The following MPPED2 variants were observed in gnomAD, a reference collection of about 807,000 sequenced individuals.
MPPED2 encodes metallophosphoesterase MPPED2.
In MPPED2, 5 loss-of-function variants were observed where a neutral mutation model predicts 33.0. That is an observed-to-expected ratio of 0.15 (90% CI 0.08 to 0.32). The LOEUF is 0.32. MPPED2 is among the 10% of genes least tolerant of loss of function. The pLI, the probability that MPPED2 is intolerant of heterozygous loss-of-function variation, is 1.00. For missense variants in MPPED2, 275 were observed against 372.1 expected (o/e 0.74, Z 2.15); for synonymous variants, 136 against 141.9 (o/e 0.96, Z 0.29).
intron 4 of MPPED2, chr11:30,429,199 C>T (rs1396551371): frequency 6.6e-6 from 1 of 152,170 alleles, no homozygotes; most frequent in Non-Finnish European, 1.5e-5. Context: ...ATTCCTAAGG[C>T]TCTAGCAAGA....
chr11:30,500,966 T>A (rs901869883), intron 3 of MPPED2, among the ~76,000 whole-genome samples: 5 of 152,208 alleles, frequency 3.3e-5, no homozygotes, highest in African/African-American at 1.2e-4. Context: ...TAAGCCCGCA[T>A]GAAGTGTCCT....
At chr11:30,422,931 C>T (rs1199357008) in intron 4 of MPPED2, among the ~76,000 whole-genome samples, 3 of 152,166 alleles carry the variant, frequency 2.0e-5, no homozygotes, top group African/African-American at 7.2e-5. Flanking sequence ...CACCCTCCCC[C>T]TTGCTCTTGA....
At chr11:30,519,718 A>G (rs1590687783) in intron 3 of MPPED2, among the ~76,000 whole-genome samples, 1 of 152,264 alleles carries the variant, frequency 6.6e-6, no homozygotes, top group Admixed American at 6.5e-5. Context: ...TTCCTAAATT[A>G]CAGCTAACTA....
chr11:30,394,944 C>A (rs1947822554), intron 6 of MPPED2, among the ~76,000 whole-genome samples: 1 of 152,112 alleles, frequency 6.6e-6, no homozygotes. Context: ...AACACCATTT[C>A]TTTAAAAGAC....
intron 4 of MPPED2, among the ~76,000 whole-genome samples, chr11:30,461,915 C>T (rs1950530322): frequency 6.6e-6 from 1 of 152,174 alleles, no homozygotes; most frequent in Non-Finnish European, 1.5e-5. Context: ...CCTGTGTAAA[C>T]ATTGAGGCAG....
At chr11:30,409,381 C>T (rs1948038021), downstream of MPPED2, among the ~76,000 whole-genome samples, 1 of 152,234 alleles carries the variant, frequency 6.6e-6, no homozygotes, top group South Asian at 2.1e-4. Context: ...CAGTCATGAG[C>T]TCCCTCTGGG....
At chr11:30,437,116 T>C (rs1476533740) in intron 4 of MPPED2, among the ~76,000 whole-genome samples, 1 of 152,212 alleles carries the variant, frequency 6.6e-6, no homozygotes, top group Non-Finnish European at 1.5e-5. Context: ...AAATTAACTT[T>C]AATGAATATT....
chr11:30,544,883 A>C (rs1484191608), intron 2 of MPPED2, among the ~76,000 whole-genome samples: 6 of 152,208 alleles, frequency 3.9e-5, no homozygotes, highest in Admixed American at 3.9e-4. Context: ...AAAAAGACGC[A>C]TGAGAGTGGC....
At chr11:30,460,523 T>C (rs1348683406) in intron 4 of MPPED2, among the ~76,000 whole-genome samples, 1 of 152,072 alleles carries the variant, frequency 6.6e-6, no homozygotes, top group Non-Finnish European at 1.5e-5. Context: ...CTCTGGAGGC[T>C]GAGGAGGGAG....
At chr11:30,515,771 T>C (rs1953498195) in intron 3 of MPPED2, among the ~76,000 whole-genome samples, 1 of 152,192 alleles carries the variant, frequency 6.6e-6, no homozygotes, top group African/African-American at 2.4e-5. Flanking sequence ...CCAATTTGCC[T>C]TACAGACAGC....
intron 4 of MPPED2, among the ~76,000 whole-genome samples, chr11:30,446,010 T>C (rs1384877193): frequency 6.6e-6 from 1 of 152,220 alleles, no homozygotes; most frequent in Non-Finnish European, 1.5e-5. Flanking sequence ...GACAGTGGCA[T>C]GTGTACATGT....
intron 3 of MPPED2, among the ~76,000 whole-genome samples, chr11:30,506,116 CA>C (rs1428405867): frequency 6.6e-6 from 1 of 152,132 alleles, no homozygotes; most frequent in Middle Eastern, 3.2e-3. Context: ...CAGTTCACTG[CA>C]ACCTCCGCCT....
chr11:30,471,939 T>G (rs981713716), intron 4 of MPPED2, among the ~76,000 whole-genome samples: 1 of 151,754 alleles, frequency 6.6e-6, no homozygotes, highest in Non-Finnish European at 1.5e-5. Flanking sequence ...ATAAACCACA[T>G]GCAACCAAAT....
downstream of MPPED2, among the ~76,000 whole-genome samples, chr11:30,407,891 A>G (rs10742240): frequency 0.3 from 45,953 of 150,878 alleles, 7,395 homozygotes; most frequent in Middle Eastern, 0.38. Flanking sequence ...AAATAAATAA[A>G]TAAATAAATA....
At chr11:30,547,654 G>T (rs144664924) in intron 2 of MPPED2, among the ~76,000 whole-genome samples, 1 of 152,120 alleles carries the variant, frequency 6.6e-6, no homozygotes, top group African/African-American at 2.4e-5. Flanking sequence ...AATAAATTAT[G>T]TCCAGTGGAG....
chr11:30,411,659 A>T, intron 6 of MPPED2, 73 bp from the exon 7 acceptor site: 1 of 1,369,898 alleles, frequency 7.3e-7, no homozygotes, highest in Non-Finnish European at 9.8e-7. Flanking sequence ...CTGTCAGGCA[A>T]GGAAAACAAA....
chr11:30,436,578 A>T (rs1328303182), intron 4 of MPPED2, among the ~76,000 whole-genome samples: 4 of 152,258 alleles, frequency 2.6e-5, no homozygotes, highest in Non-Finnish European at 5.9e-5. Flanking sequence ...CACCTACCGC[A>T]CAAGGTCCAT....
intron 2 of MPPED2, among the ~76,000 whole-genome samples, chr11:30,549,891 C>G (rs1955616015): frequency 6.6e-6 from 1 of 152,204 alleles, no homozygotes; most frequent in South Asian, 2.1e-4. Context: ...TGAAAATTCT[C>G]TGGCTCACTG....
At chr11:30,436,400 C>T (rs1381801633) in intron 4 of MPPED2, among the ~76,000 whole-genome samples, 1 of 152,186 alleles carries the variant, frequency 6.6e-6, no homozygotes, top group African/African-American at 2.4e-5. Flanking sequence ...AACAAGGTCT[C>T]AAGAGATGCA....
Sources: allele counts gnomAD v4.1 joint callset (sites outside exome capture counted in the v4.1 genomes callset), GRCh38; gene constraint gnomAD v4.1.1; transcripts MANE v1.5; gene names NCBI Gene and HGNC (gene_info 2026-07-23, HGNC 2026-07-21).